The following SCP2 variants were observed in gnomAD, a reference collection of about 807,000 sequenced individuals.
SCP2 encodes SCP-2/3-oxoacyl-CoA thiolase.
Under a neutral mutation model 71.4 loss-of-function variants are expected in SCP2, and 48 were observed. The observed-to-expected ratio is 0.67, with a 90% CI of 0.53 to 0.86. The LOEUF (loss-of-function observed/expected upper bound fraction) is 0.86. Among genes scored for constraint, SCP2 ranks in the 40% least tolerant of loss-of-function variants. The pLI is 0.00. For missense variants in SCP2, 560 were observed against 655.6 expected (o/e 0.85, Z 1.59); for synonymous variants, 220 against 218.1 (o/e 1.01, Z -0.08).
At chr1:53,023,104 C>T (rs913206724) in intron 12 of SCP2, among the ~76,000 whole-genome samples, 1 of 152,066 alleles carries the variant, frequency 6.6e-6, no homozygotes, top group Admixed American at 6.6e-5. Context: ...TTTCTTAGAG[C>T]AGGGCACATA....
chr1:52,995,109 C>A, intron 11 of SCP2: 1 of 499,354 alleles, frequency 2.0e-6, no homozygotes. Flanking sequence ...AGAGCTGTGA[C>A]TGCCTGCAGG....
intron 13 of SCP2, among the ~76,000 whole-genome samples, chr1:53,029,593 G>C (rs1235971053): frequency 6.6e-6 from 1 of 152,218 alleles, no homozygotes; most frequent in South Asian, 2.1e-4. Flanking sequence ...GGCAAACATT[G>C]TGCTTATCTC....
intron 1 of SCP2, among the ~76,000 whole-genome samples, chr1:52,941,458 T>G (rs1159196844): frequency 6.6e-6 from 1 of 152,114 alleles, no homozygotes; most frequent in African/African-American, 2.4e-5. Flanking sequence ...TATACTTGGC[T>G]GGGCGCAGTG....
intron 10 of SCP2, among the ~76,000 whole-genome samples, chr1:52,984,554 T>G (rs1364969396): frequency 6.6e-6 from 1 of 152,008 alleles, no homozygotes; most frequent in Non-Finnish European, 1.5e-5. Flanking sequence ...TTTTTTTCTT[T>G]GAGATGGAGT....
chr1:52,972,929 T>C lies in SCP2; in HGVS notation c.524-1840T>C, dbSNP rs548143000. ...TCACTGAGCTTGAGGTTTCTCATAG[T>C]TGTTGCTCATTTTTGCAGGTTGTTG... On this transcript the variant is annotated intron_variant, in intron 6 of 15. Transcript: ENST00000371514. Among the ~76,000 whole-genome samples the C allele has an allele frequency of 3.9e-4, 59 of 152,350 alleles. 1 individual carries two copies. In the Middle Eastern group the frequency reaches 0.02, roughly 53 times the overall value.
At position 53,028,063 on chromosome 1, in the gene SCP2, C is replaced by T. The variant is rs1325149947; in HGVS notation, c.1330C>T (p.Leu444Phe). The change falls in exon 13 of 16, where the codon CTT becomes TTT. Residue 444 changes from leucine (L) to phenylalanine (F), a missense_variant. This residue lies in a region of SCP2 where 513 missense variants were observed against 573.1 expected (regional missense o/e 0.90). Coordinates refer to ENST00000371514, the MANE Select transcript of SCP2 (RefSeq NM_002979.5). ...NLVFKEIEKK[L>F]EEEGEQFVKK... ...TGTTTTTAAGGAGATTGAGAAGAAA[C>T]TTGAAGAGGTAAGATTTATGTAAAA... The T allele has an allele frequency of 1.3e-6, 2 of 1,569,268 alleles. No individual in the cohort carries two copies. Among genetic ancestry groups the T allele is most frequent in the African/African-American group, 1.4e-5 (1 of 73,970 alleles).
chr1:52,934,639 GTC>G (rs1653517360), intron 1 of SCP2, among the ~76,000 whole-genome samples: 1 of 75,808 alleles, frequency 1.3e-5, no homozygotes, highest in Non-Finnish European at 2.4e-5. Flanking sequence ...TTGAGACGGA[GTC>G]TCTCTCTGTC....
chr1:52,929,288 C>A (rs972924751), intron 1 of SCP2, among the ~76,000 whole-genome samples: 1 of 150,142 alleles, frequency 6.7e-6, no homozygotes, highest in African/African-American at 2.5e-5. Context: ...GCCTTGAACT[C>A]CTGGACTCTA....
chr1:52,927,479 C>T lies in SCP2; in HGVS notation c.69+14C>T, dbSNP rs2150086479. On this transcript the variant is annotated intron_variant, in intron 1 of 15. Coordinates refer to ENST00000371514, the MANE Select transcript of SCP2 (RefSeq NM_002979.5). Reference sequence around the variant, plus strand: ...GGCATGACCAAGGTAAACCGAGCAGCGGCCCTGCTGGCCCTCTGAGGCTCG... The same window carrying T: ...GGCATGACCAAGGTAAACCGAGCAGTGGCCCTGCTGGCCCTCTGAGGCTCG... 6 of 1,585,586 alleles carry T rather than the reference C, an allele frequency of 3.8e-6. No individual in the cohort carries two copies. Among genetic ancestry groups the T allele is most frequent in the Non-Finnish European group, 5.1e-6 (6 of 1,165,186 alleles).
At chr1:53,005,245 C>T (rs1340285580) in intron 11 of SCP2, among the ~76,000 whole-genome samples, 1 of 152,180 alleles carries the variant, frequency 6.6e-6, no homozygotes, top group Non-Finnish European at 1.5e-5. Flanking sequence ...CAGACTTAAA[C>T]GTCCCTGTCT....
At chr1:52,943,958 CCTT>C (rs1286008043) in intron 2 of SCP2, 1 of 288,870 alleles carries the variant, frequency 3.5e-6, no homozygotes, top group Non-Finnish European at 7.1e-6. Context: ...TACTTACCCT[CCTT>C]CTTTGGGTGG....
intron 2 of SCP2, among the ~76,000 whole-genome samples, chr1:52,946,530 C>CGG (rs1654812043): frequency 6.6e-6 from 1 of 152,044 alleles, no homozygotes; most frequent in South Asian, 2.1e-4. Context: ...TAATTTTCAG[C>CGG]GTTTACACCC....
At chr1:52,975,273 T>G (rs930872613) in intron 7 of SCP2, among the ~76,000 whole-genome samples, 3 of 152,060 alleles carry the variant, frequency 2.0e-5, no homozygotes, top group Non-Finnish European at 4.4e-5. Flanking sequence ...CTCTGTGCCC[T>G]GGGTTCAAGC....
At position 52,974,848 on chromosome 1, in the gene SCP2, A is replaced by C. The variant is rs1208860717; in HGVS notation, c.587+16A>C. ...TTAATAACCCGTAAGTATTTCAGAG[A>C]CATGAAATAATGAAAATCTGGGTTA... On this transcript the variant is annotated intron_variant, in intron 7 of 15. Coordinates refer to ENST00000371514, the MANE Select transcript of SCP2 (RefSeq NM_002979.5). 2 of 1,264,072 alleles carry C rather than the reference A, an allele frequency of 1.6e-6. No individual in the cohort carries two copies. The highest frequency in any genetic ancestry group is 4.6e-5 in the East Asian group (2 of 43,184). 78.3% of individuals were successfully genotyped at this position (1,264,072 alleles called of 1,614,324 possible). A position where few individuals can be genotyped will look rare whatever the true frequency, so the allele number is the denominator to read the frequency against.
At chr1:52,931,608 A>G (rs1194735150) in intron 1 of SCP2, among the ~76,000 whole-genome samples, 3 of 152,216 alleles carry the variant, frequency 2.0e-5, no homozygotes, top group East Asian at 3.8e-4. Context: ...AGATTTGGAA[A>G]ATTATTTGGA....
chr1:52,964,238 G>C (rs552852948), intron 6 of SCP2, among the ~76,000 whole-genome samples: 4 of 140,068 alleles, frequency 2.9e-5, no homozygotes, highest in Non-Finnish European at 6.0e-5. Context: ...TTTTGAGACA[G>C]AGTCTCGCTC....
chr1:53,005,204 A>T (rs1320477270), intron 11 of SCP2, among the ~76,000 whole-genome samples: 1 of 152,216 alleles, frequency 6.6e-6, no homozygotes, highest in Admixed American at 6.5e-5. Context: ...GGGGCAGGGC[A>T]TAGCTGAACA....
Position 52,960,480 on chromosome 1 carries a change from A to ATATGTGTGTG in SCP2, c.397-1022_397-1021insATGTGTGTGT, listed in dbSNP as rs1287812730. ...CCCACCATGCCTGGCTACTATGTAT[A>ATATGTGTGTG]TGTGTGTGTGTGTGTGTGTGTGTGT... On this transcript the variant is annotated intron_variant, in intron 5 of 15. Transcript: ENST00000371514. Among the ~76,000 whole-genome samples the ATATGTGTGTG allele has an allele frequency of 1.1e-4, 16 of 139,538 alleles. 1 individual carries two copies. The highest frequency in any genetic ancestry group is 8.3e-5 in the African/African-American group (3 of 36,210). The allele number at this position is 139,538 out of a possible 152,430, so 91.5% of individuals were successfully genotyped here. A position where few individuals can be genotyped will look rare whatever the true frequency, so the allele number is the denominator to read the frequency against.
intron 13 of SCP2, among the ~76,000 whole-genome samples, chr1:53,036,484 C>T (rs1225914967): frequency 6.7e-6 from 1 of 149,444 alleles, no homozygotes; most frequent in Non-Finnish European, 1.5e-5. Context: ...AATTCTTGCT[C>T]TTCCTTGTAC....
Sources: allele counts gnomAD v4.1 joint callset (sites outside exome capture counted in the v4.1 genomes callset), GRCh38; gene constraint gnomAD v4.1.1; regional missense constraint gnomAD v4.1.1; transcripts MANE v1.5; gene names NCBI Gene and HGNC (gene_info 2026-07-23, HGNC 2026-07-21).